The following PLXDC2 variants were observed in gnomAD, a reference collection of about 807,000 sequenced individuals.
The protein encoded by PLXDC2 is plexin domain-containing protein 2.
Under a neutral mutation model 68.9 loss-of-function variants are expected in PLXDC2, and 40 were observed. The ratio of observed to expected loss-of-function variants is 0.58; its 90% CI spans 0.45 to 0.76. The LOEUF is 0.76. Ranked by LOEUF, PLXDC2 falls within the 30% of genes least tolerant of loss-of-function variation. The probability of loss-of-function intolerance (pLI) is 0.00; values close to 1 mark genes in which losing one functional copy is unlikely to be tolerated. For missense variants in PLXDC2, 644 were observed against 661.9 expected (o/e 0.97, Z 0.30); for synonymous variants, 243 against 234.2 (o/e 1.04, Z -0.34).
At chr10:19,967,924 T>G (rs747208879) in intron 1 of PLXDC2, among the ~76,000 whole-genome samples, 1 of 152,222 alleles carries the variant, frequency 6.6e-6, no homozygotes, top group Non-Finnish European at 1.5e-5. Flanking sequence ...CAGATCTGAT[T>G]TCTATCAACT....
chr10:20,267,758 TACAAA>T (rs547418859), intron 13 of PLXDC2, among the ~76,000 whole-genome samples: 3 of 141,368 alleles, frequency 2.1e-5, no homozygotes, highest in East Asian at 2.1e-4. Flanking sequence ...TACCATTGAC[TACAAA>T]ACAAAACAAA....
chr10:19,930,682 G>A (rs564213916), intron 1 of PLXDC2, among the ~76,000 whole-genome samples: 5 of 151,990 alleles, frequency 3.3e-5, no homozygotes, highest in Admixed American at 3.3e-4. Context: ...TAAAAAAAAG[G>A]CTGGCACGGT....
intron 1 of PLXDC2, among the ~76,000 whole-genome samples, chr10:19,948,667 C>T (rs923110720): frequency 3.3e-5 from 5 of 151,912 alleles, no homozygotes; most frequent in African/African-American, 4.8e-5. Flanking sequence ...TGTCATTTAG[C>T]GCTCCTATGC....
chr10:20,034,553 T>C (rs1466894029), intron 2 of PLXDC2, among the ~76,000 whole-genome samples: 1 of 152,220 alleles, frequency 6.6e-6, no homozygotes, highest in African/African-American at 2.4e-5. Context: ...TATTTTCCGA[T>C]ATCAAAGGCT....
intron 1 of PLXDC2, among the ~76,000 whole-genome samples, chr10:20,001,081 C>T (rs1164846176): frequency 6.6e-6 from 1 of 152,168 alleles, no homozygotes; most frequent in East Asian, 1.9e-4. Context: ...CTTGCCTTCC[C>T]ATCCATTTCT....
chr10:20,042,656 G>A (rs1276306263), intron 2 of PLXDC2, among the ~76,000 whole-genome samples: 1 of 152,082 alleles, frequency 6.6e-6, no homozygotes, highest in South Asian at 2.1e-4. Flanking sequence ...TATCATTACT[G>A]CATGAGGCAA....
At chr10:19,891,267 G>A (rs190980580) in intron 1 of PLXDC2, among the ~76,000 whole-genome samples, 3 of 152,228 alleles carry the variant, frequency 2.0e-5, no homozygotes, top group Admixed American at 2.0e-4. Flanking sequence ...TATTATAGTG[G>A]TTTGTGTGTC....
Position 19,834,090 on chromosome 10 carries a change from T to G in PLXDC2, c.112+16899T>G, listed in dbSNP as rs116746323. Among the ~76,000 whole-genome samples, 1,504 of 152,266 alleles carry G rather than the reference T, an allele frequency of 9.9e-3. 30 individuals are homozygous for G. The highest frequency in any genetic ancestry group is 0.034 in the African/African-American group (1,392 of 41,526). The stretch of plus-strand genomic sequence containing the variant: ...AACCAGTCCTTGTTCCTGCATGAAC[T>G]TGCAGGTTGTCATTAACTTACAGAG... On this transcript the variant is annotated intron_variant, in intron 1 of 13. Transcript: ENST00000377252.
At chr10:20,022,648 C>T (rs905880684) in intron 2 of PLXDC2, among the ~76,000 whole-genome samples, 1 of 152,146 alleles carries the variant, frequency 6.6e-6, no homozygotes, top group Non-Finnish European at 1.5e-5. Flanking sequence ...CGCTTTGACA[C>T]ATTCAGTATG....
At chr10:20,005,813 C>A (rs1835018070) in intron 2 of PLXDC2, among the ~76,000 whole-genome samples, 1 of 152,206 alleles carries the variant, frequency 6.6e-6, no homozygotes, top group African/African-American at 2.4e-5. Flanking sequence ...ACCTCCAACA[C>A]TGGGATTACA....
chr10:19,839,438 A>G (rs934114868), intron 1 of PLXDC2, among the ~76,000 whole-genome samples: 2 of 152,168 alleles, frequency 1.3e-5, no homozygotes, highest in Non-Finnish European at 2.9e-5. Context: ...CAATTCTTCC[A>G]ATGTGGCCCA....
At chr10:19,964,296 TG>T (rs1834211706) in intron 1 of PLXDC2, among the ~76,000 whole-genome samples, 2 of 152,180 alleles carry the variant, frequency 1.3e-5, no homozygotes, top group African/African-American at 4.8e-5. Flanking sequence ...TTTTGTCGGT[TG>T]GTTGGTTTTC....
intron 1 of PLXDC2, among the ~76,000 whole-genome samples, chr10:19,997,356 G>A (rs981136349): frequency 3.9e-5 from 6 of 152,130 alleles, no homozygotes; most frequent in African/African-American, 1.4e-4. Context: ...TATCTATCCA[G>A]CCAATCTGCT....
intron 1 of PLXDC2, among the ~76,000 whole-genome samples, chr10:19,932,750 TAAA>T (rs1165525181): frequency 7.2e-6 from 1 of 139,830 alleles, no homozygotes; most frequent in Non-Finnish European, 1.7e-5. Context: ...TTATGGGAAT[TAAA>T]AAAACCACAT....
chr10:19,839,070 C>G (rs1339943731), intron 1 of PLXDC2, among the ~76,000 whole-genome samples: 1 of 151,782 alleles, frequency 6.6e-6, no homozygotes, highest in African/African-American at 2.4e-5. Flanking sequence ...CCTGTAATGC[C>G]AGCTACTCAG....
chr10:20,243,279 T>C (rs564983882), intron 12 of PLXDC2, among the ~76,000 whole-genome samples: 1 of 152,284 alleles, frequency 6.6e-6, no homozygotes, highest in Non-Finnish European at 1.5e-5. Flanking sequence ...TCAATTTCCT[T>C]ACCTATAAAA....
At chr10:19,846,695 A>C (rs2131322490) in intron 1 of PLXDC2, among the ~76,000 whole-genome samples, 1 of 152,290 alleles carries the variant, frequency 6.6e-6, no homozygotes, top group Admixed American at 6.5e-5. Context: ...CAGTGTGGGA[A>C]GAGGGAAACA....
At chr10:20,016,953 G>A (rs1195838739) in intron 2 of PLXDC2, among the ~76,000 whole-genome samples, 1 of 152,214 alleles carries the variant, frequency 6.6e-6, no homozygotes, top group African/African-American at 2.4e-5. Flanking sequence ...GCATGCTGCA[G>A]CTTCTGTTCC....
intron 2 of PLXDC2, among the ~76,000 whole-genome samples, chr10:20,021,327 T>C (rs2131657900): frequency 6.6e-6 from 1 of 152,298 alleles, no homozygotes; most frequent in East Asian, 1.9e-4. Context: ...TACTTAGGTA[T>C]ATACATGCCC....
Sources: gnomAD v4.1 joint callset for allele counts (sites outside exome capture counted in the v4.1 genomes callset) on GRCh38, gnomAD v4.1.1 for gene constraint, MANE v1.5 for transcripts, NCBI Gene and HGNC (gene_info 2026-07-23, HGNC 2026-07-21) for gene names.